AKAP13: variants seen among roughly 807,000 people sequenced by gnomAD.
AKAP13 encodes A-kinase anchoring protein 13.
Under a neutral mutation model 264.5 loss-of-function variants are expected in AKAP13, and 80 were observed. The ratio of observed to expected loss-of-function variants is 0.30; its 90% CI spans 0.25 to 0.36. The LOEUF (loss-of-function observed/expected upper bound fraction) is 0.36. Among genes scored for constraint, AKAP13 ranks in the 10% least tolerant of loss-of-function variants. AKAP13 has a pLI of 1.00. For missense variants in AKAP13, 3,712 were observed against 3,435.2 expected, an observed-to-expected ratio of 1.08 and a Z score of -2.01; for synonymous variants, 1,380 against 1,250.2, an observed-to-expected ratio of 1.10 and a Z score of -2.19.
intron 1 of AKAP13, among the ~76,000 whole-genome samples, chr15:85,386,554 G>A (rs1056271901): frequency 6.6e-6 from 1 of 152,164 alleles, no homozygotes; most frequent in Non-Finnish European, 1.5e-5. Context: ...CTCCCAAAGT[G>A]CTGGGATTAC....
At chr15:85,685,464 G>A (rs1322905519) in intron 16 of AKAP13, 1 of 39,628 alleles carries the variant, frequency 2.5e-5, no homozygotes. Flanking sequence ...TTTAAACCGT[G>A]TGTGTGTGTG....
intron 8 of AKAP13, among the ~76,000 whole-genome samples, chr15:85,613,685 A>ATATATATATAT (rs2080785910): frequency 1.5e-5 from 1 of 67,194 alleles, no homozygotes; most frequent in African/African-American, 7.1e-5. Context: ...CGTCTAAAAA[A>ATATATATATAT]AAAAAAATAT....
At chr15:85,444,526 A>C (rs2073832729) in intron 1 of AKAP13, among the ~76,000 whole-genome samples, 1 of 152,222 alleles carries the variant, frequency 6.6e-6, no homozygotes, top group African/African-American at 2.4e-5. Context: ...GCAGTTGTTT[A>C]GAGTAAAATC....
chr15:85,488,462 A>G (rs961491944), intron 2 of AKAP13, among the ~76,000 whole-genome samples: 1 of 152,266 alleles, frequency 6.6e-6, no homozygotes, highest in Admixed American at 6.5e-5. Context: ...TGTGTTATAC[A>G]GAAGGATGGC....
At chr15:85,408,206 A>G (rs1236556223) in intron 1 of AKAP13, among the ~76,000 whole-genome samples, 2 of 151,686 alleles carry the variant, frequency 1.3e-5, no homozygotes, top group African/African-American at 2.4e-5. Context: ...CCCACAATCT[A>G]TTTTAGAGTC....
At chr15:85,460,289 G>A (rs1345099846) in intron 1 of AKAP13, among the ~76,000 whole-genome samples, 1 of 152,092 alleles carries the variant, frequency 6.6e-6, no homozygotes, top group Non-Finnish European at 1.5e-5. Context: ...AATTTTATGT[G>A]CATATGCATT....
chr15:85,664,033 A>G (rs1423716060), intron 12 of AKAP13, among the ~76,000 whole-genome samples: 5 of 152,222 alleles, frequency 3.3e-5, no homozygotes, highest in African/African-American at 1.2e-4. Flanking sequence ...CTCATGAGTA[A>G]CACTTGGGTT....
chr15:85,696,605 T>A (rs992857344), intron 17 of AKAP13, among the ~76,000 whole-genome samples: 1 of 152,244 alleles, frequency 6.6e-6, no homozygotes, highest in Non-Finnish European at 1.5e-5. Context: ...GGGAAGAGGC[T>A]GTATTTCTTG....
At chr15:85,557,688 C>T (rs574983483) in intron 5 of AKAP13, among the ~76,000 whole-genome samples, 54 of 152,212 alleles carry the variant, frequency 3.5e-4, no homozygotes, top group African/African-American at 1.3e-3. Context: ...GTTGCCCAGG[C>T]TGATCTCAAA....
intron 1 of AKAP13, among the ~76,000 whole-genome samples, chr15:85,478,971 C>G (rs2075269584): frequency 6.6e-6 from 1 of 152,170 alleles, no homozygotes; most frequent in South Asian, 2.1e-4. Flanking sequence ...AACTGATGTT[C>G]ATGTGTACTA....
At chr15:85,608,660 G>A (rs1596698164) in intron 8 of AKAP13, among the ~76,000 whole-genome samples, 1 of 152,336 alleles carries the variant, frequency 6.6e-6, no homozygotes, top group Non-Finnish European at 1.5e-5. Flanking sequence ...GACTAAGGTG[G>A]ATAGGCGAGA....
intron 20 of AKAP13, among the ~76,000 whole-genome samples, chr15:85,716,941 A>G (rs1213066403): frequency 6.6e-6 from 1 of 152,248 alleles, no homozygotes. Flanking sequence ...GTAGTTATCT[A>G]GAGAACAGAA....
intron 1 of AKAP13, among the ~76,000 whole-genome samples, chr15:85,426,010 A>AT (rs2072760426): frequency 6.6e-6 from 1 of 152,198 alleles, no homozygotes; most frequent in South Asian, 2.1e-4. Context: ...ATTTTTGAAG[A>AT]TTCTTGTGAA....
At chr15:85,466,080 G>A (rs2074728253) in intron 1 of AKAP13, among the ~76,000 whole-genome samples, 1 of 152,220 alleles carries the variant, frequency 6.6e-6, no homozygotes, top group Admixed American at 6.5e-5. Flanking sequence ...TTGTGGTTCT[G>A]ATTTGCATTT....
chr15:85,501,951 G>T (rs183449374), intron 2 of AKAP13, among the ~76,000 whole-genome samples: 1 of 152,292 alleles, frequency 6.6e-6, no homozygotes, highest in African/African-American at 2.4e-5. Flanking sequence ...AACCATTTAG[G>T]GACAGACACT....
At chr15:85,618,092 T>G (rs1402796569) in intron 8 of AKAP13, among the ~76,000 whole-genome samples, 6 of 152,222 alleles carry the variant, frequency 3.9e-5, no homozygotes, top group Non-Finnish European at 7.3e-5. Context: ...AGATAAAACC[T>G]TATGGCTTTT....
chr15:85,723,702 A>ATGTG (rs908321301), intron 26 of AKAP13, among the ~76,000 whole-genome samples: 1 of 152,236 alleles, frequency 6.6e-6, no homozygotes, highest in African/African-American at 2.4e-5. Flanking sequence ...AGGGAGACAC[A>ATGTG]GTCAGCGAGT....
At chr15:85,490,344 G>A (rs904843264) in intron 2 of AKAP13, among the ~76,000 whole-genome samples, 1 of 152,180 alleles carries the variant, frequency 6.6e-6, no homozygotes, top group African/African-American at 2.4e-5. Flanking sequence ...AGGAGATGAT[G>A]ATCTTGTTCT....
chr15:85,388,827 T>C (rs905104582), intron 1 of AKAP13, among the ~76,000 whole-genome samples: 5 of 152,244 alleles, frequency 3.3e-5, no homozygotes, highest in Non-Finnish European at 7.3e-5. Flanking sequence ...TCATGATAGT[T>C]GTTGAGTCCT....
Sources: gnomAD v4.1 joint callset for allele counts (sites outside exome capture counted in the v4.1 genomes callset) on GRCh38, gnomAD v4.1.1 for gene constraint, MANE v1.5 for transcripts, NCBI Gene and HGNC (gene_info 2026-07-23, HGNC 2026-07-21) for gene names.